Variants in SCMH1 observed in about 807,000 individuals in gnomAD.
SCMH1 encodes Scm polycomb group protein homolog 1.
SCMH1 carries 37 observed loss-of-function variants against 70.8 expected under a neutral mutation model. That is an observed-to-expected ratio of 0.52 (90% CI 0.40 to 0.69). The LOEUF is 0.69. SCMH1 is among the 30% of genes least tolerant of loss of function. The probability of loss-of-function intolerance (pLI) is 0.00; values close to 1 mark genes in which losing one functional copy is unlikely to be tolerated. For missense variants in SCMH1, 607 were observed against 827.3 expected (o/e 0.73, Z 3.27); for synonymous variants, 292 against 307.4 (o/e 0.95, Z 0.52).
At chr1:41,194,866 G>A (rs1652618141) in intron 1 of SCMH1, among the ~76,000 whole-genome samples, 1 of 152,096 alleles carries the variant, frequency 6.6e-6, no homozygotes, top group Non-Finnish European at 1.5e-5. Flanking sequence ...GATAGGCTGG[G>A]CATGGTGGCT....
intron 2 of SCMH1, among the ~76,000 whole-genome samples, chr1:41,177,187 T>C (rs1647222677): frequency 6.6e-6 from 1 of 152,110 alleles, no homozygotes; most frequent in African/African-American, 2.4e-5. Flanking sequence ...GTCCTGACTG[T>C]TAGAAGGAAA....
intron 10 of SCMH1, among the ~76,000 whole-genome samples, chr1:41,066,623 G>T (rs1654689103): frequency 6.6e-6 from 1 of 152,094 alleles, no homozygotes; most frequent in South Asian, 2.1e-4. Flanking sequence ...ACGCAGACTG[G>T]AGTGCAGTGG....
At chr1:41,242,176 G>T (rs1486727225), upstream of SCMH1, 1 of 147,796 alleles carries the variant, frequency 6.8e-6, no homozygotes, top group Non-Finnish European at 1.5e-5. The surrounding 1 kb of genome is among the most constrained non-coding windows in gnomAD (Gnocchi z 5.2). Flanking sequence ...GGAGAGCGGC[G>T]GGCGGGCGGC....
At chr1:41,231,127 C>T (rs1226013789) in intron 1 of SCMH1, among the ~76,000 whole-genome samples, 1 of 152,134 alleles carries the variant, frequency 6.6e-6, no homozygotes, top group African/African-American at 2.4e-5. Flanking sequence ...GCTGATCAAA[C>T]TGTGGTCTAT....
chr1:41,230,944 T>G (rs573371461), intron 1 of SCMH1, among the ~76,000 whole-genome samples: 2 of 152,332 alleles, frequency 1.3e-5, no homozygotes, highest in East Asian at 3.9e-4. Context: ...CAGAGTAGAT[T>G]ATTATTGCTT....
At chr1:41,238,553 CCT>C (rs1662851790) in intron 1 of SCMH1, among the ~76,000 whole-genome samples, 1 of 152,164 alleles carries the variant, frequency 6.6e-6, no homozygotes, top group Admixed American at 6.5e-5. Flanking sequence ...TGATTAATCC[CCT>C]ATCTTTACTG....
At chr1:41,175,327 A>G (rs912877280) in intron 2 of SCMH1, among the ~76,000 whole-genome samples, 17 of 152,208 alleles carry the variant, frequency 1.1e-4, no homozygotes, top group Admixed American at 1.1e-3. Flanking sequence ...TTGAGCCTCC[A>G]GTACCCTCTG....
At chr1:41,202,160 C>G (rs1460178112) in intron 1 of SCMH1, among the ~76,000 whole-genome samples, 1 of 152,000 alleles carries the variant, frequency 6.6e-6, no homozygotes, top group Admixed American at 6.6e-5. Context: ...CTTAGCCTCC[C>G]GAGTAGCTGG....
chr1:41,132,943 A>G (rs1642616746), intron 6 of SCMH1, among the ~76,000 whole-genome samples: 1 of 152,152 alleles, frequency 6.6e-6, no homozygotes, highest in African/African-American at 2.4e-5. Context: ...TGGTTACTGT[A>G]GCCTTGTAGT....
At chr1:41,137,664 T>C (rs1182480988) in intron 6 of SCMH1, among the ~76,000 whole-genome samples, 4 of 152,316 alleles carry the variant, frequency 2.6e-5, no homozygotes, top group Admixed American at 2.6e-4. Context: ...CGAACAGCTT[T>C]CCTGAGCACC....
chr1:41,226,008 C>G (rs1434071446), intron 1 of SCMH1, among the ~76,000 whole-genome samples: 1 of 152,182 alleles, frequency 6.6e-6, no homozygotes, highest in African/African-American at 2.4e-5. Flanking sequence ...CCTGGTATCC[C>G]TGCACAGAAA....
intron 1 of SCMH1, among the ~76,000 whole-genome samples, chr1:41,206,755 G>A (rs1485892993): frequency 6.6e-6 from 1 of 152,114 alleles, no homozygotes; most frequent in Non-Finnish European, 1.5e-5. Flanking sequence ...TTTACCAAGG[G>A]TGAAATCAAG....
intron 1 of SCMH1, among the ~76,000 whole-genome samples, chr1:41,215,882 C>T (rs189558820): frequency 3.3e-4 from 50 of 152,230 alleles, no homozygotes; most frequent in Admixed American, 2.3e-3. Flanking sequence ...GTTTGCTGAG[C>T]TGAATTTAAA....
At chr1:41,233,274 A>C (rs544246995) in intron 1 of SCMH1, among the ~76,000 whole-genome samples, 29 of 152,214 alleles carry the variant, frequency 1.9e-4, no homozygotes, top group African/African-American at 6.7e-4. Context: ...GGTCTCTTTC[A>C]CCTTCTTGTC....
chr1:41,096,635 CG>C (rs1169464758), intron 8 of SCMH1, among the ~76,000 whole-genome samples: 2 of 152,144 alleles, frequency 1.3e-5, no homozygotes, highest in African/African-American at 4.8e-5. Flanking sequence ...CAGGCAACTA[CG>C]GCAAAATGAT....
At chr1:41,225,704 T>C (rs148584036) in intron 1 of SCMH1, among the ~76,000 whole-genome samples, 1 of 152,128 alleles carries the variant, frequency 6.6e-6, no homozygotes, top group Non-Finnish European at 1.5e-5. Flanking sequence ...AGTGGAAAAG[T>C]AATAAGTAGT....
intron 9 of SCMH1, among the ~76,000 whole-genome samples, chr1:41,073,058 G>A (rs1657072436): frequency 6.6e-6 from 1 of 152,136 alleles, no homozygotes. Flanking sequence ...TGGTTACTAC[G>A]TTCAAGACTT....
At chr1:41,236,842 C>G (rs1034028343) in intron 1 of SCMH1, among the ~76,000 whole-genome samples, 2 of 152,182 alleles carry the variant, frequency 1.3e-5, no homozygotes, top group Non-Finnish European at 2.9e-5. Context: ...ATGCAACCAT[C>G]CTTTTTCCAT....
Position 41,152,473 on chromosome 1 carries a change from T to C in SCMH1, c.107-789A>G, listed in dbSNP as rs1645152223. Reference sequence around the variant, plus strand: ...AGATAAACAATCTTCAAGGTGACACTGTGCTGGGGGAAGGGAAAACATCTT... The same window carrying C: ...AGATAAACAATCTTCAAGGTGACACCGTGCTGGGGGAAGGGAAAACATCTT... On this transcript the variant is annotated intron_variant, in intron 4 of 14. Transcript: ENST00000337495. The C allele has an allele frequency of 3.0e-6, 3 of 1,002,826 alleles. No individual in the cohort carries two copies. In the Admixed American group the frequency reaches 7.0e-5, roughly 23 times the overall value. The allele number at this position is 1,002,826 out of a possible 1,614,324, so 62.1% of individuals were successfully genotyped here.
Sources: gnomAD v4.1 joint callset for allele counts (sites outside exome capture counted in the v4.1 genomes callset) on GRCh38, gnomAD v4.1.1 for gene constraint, Gnocchi (gnomAD v3.1) non-coding constraint, MANE v1.5 for transcripts, NCBI Gene and HGNC (gene_info 2026-07-23, HGNC 2026-07-21) for gene names.